CTIF: variants seen among roughly 807,000 people sequenced by gnomAD.
The protein encoded by CTIF is CBP80/20-dependent translation initiation factor.
CTIF carries 21 observed loss-of-function variants against 66.0 expected under a neutral mutation model. The ratio of observed to expected loss-of-function variants is 0.32; its 90% confidence interval spans 0.23 to 0.46. The LOEUF is 0.46. Ranked by LOEUF, CTIF falls within the 20% of genes least tolerant of loss-of-function variation. CTIF has a pLI of 1.00. For synonymous variants in CTIF, 345 were observed against 326.4 expected, an observed-to-expected ratio of 1.06 and a Z score of -0.62; for missense variants, 739 against 812.7, an observed-to-expected ratio of 0.91 and a Z score of 1.10.
intron 7 of CTIF, among the ~76,000 whole-genome samples, chr18:48,733,849 G>A (rs2145688372): frequency 6.6e-6 from 1 of 152,258 alleles, no homozygotes; most frequent in African/African-American, 2.4e-5. Context: ...CCTTCCCCCT[G>A]GAAATCATAA....
intron 1 of CTIF, among the ~76,000 whole-genome samples, chr18:48,616,065 G>A (rs2090394199): frequency 6.6e-6 from 1 of 152,190 alleles, no homozygotes; most frequent in African/African-American, 2.4e-5. Flanking sequence ...GGAGAGCCCC[G>A]CAGAGCCGGC....
intron 1 of CTIF, among the ~76,000 whole-genome samples, chr18:48,616,615 C>T (rs145057972): frequency 3.6e-4 from 55 of 152,220 alleles, no homozygotes; most frequent in African/African-American, 1.3e-3. Context: ...ATAATTATGC[C>T]GATTCCATAG....
chr18:48,670,494 C>CCA (rs1555669450), intron 5 of CTIF, 175 bp from the exon 6 acceptor site: 13 of 546,716 alleles, frequency 2.4e-5, no homozygotes, highest in Non-Finnish European at 3.7e-5. Flanking sequence ...GACCCCCCCC[C>CCA]CACACACACA....
At chr18:48,739,811 GA>G (rs1049174500) in intron 7 of CTIF, among the ~76,000 whole-genome samples, 1 of 152,182 alleles carries the variant, frequency 6.6e-6, no homozygotes, top group African/African-American at 2.4e-5. Flanking sequence ...TCATAGGAGG[GA>G]GTTGTGCTGG....
At chr18:48,752,406 G>A (rs76572988) in intron 7 of CTIF, among the ~76,000 whole-genome samples, 4 of 152,270 alleles carry the variant, frequency 2.6e-5, no homozygotes, top group East Asian at 3.9e-4. Flanking sequence ...GCTTTGTAGC[G>A]ATGCCCCCAG....
intron 7 of CTIF, among the ~76,000 whole-genome samples, chr18:48,739,968 A>C (rs1056359568): frequency 6.6e-6 from 1 of 152,294 alleles, no homozygotes; most frequent in Middle Eastern, 3.4e-3. Flanking sequence ...ATAAACTCTT[A>C]AGAGCATGTC....
intron 1 of CTIF, among the ~76,000 whole-genome samples, chr18:48,543,535 C>G (rs1437487728): frequency 3.9e-5 from 6 of 152,182 alleles, no homozygotes; most frequent in Non-Finnish European, 8.8e-5. Flanking sequence ...ACCGTGCTCT[C>G]AGCATGCCTC....
At chr18:48,617,374 C>T (rs1024973808) in intron 1 of CTIF, among the ~76,000 whole-genome samples, 12 of 152,166 alleles carry the variant, frequency 7.9e-5, no homozygotes, top group African/African-American at 2.7e-4. Flanking sequence ...ATCTTAAAGT[C>T]GACTAATTTG....
intron 10 of CTIF, among the ~76,000 whole-genome samples, chr18:48,822,846 C>T (rs1262019114): frequency 2.0e-5 from 3 of 152,138 alleles, no homozygotes; most frequent in Non-Finnish European, 4.4e-5. Flanking sequence ...TGCTCACAGC[C>T]ATTCTAACAG....
intron 1 of CTIF, chr18:48,566,854 A>G (rs2089291576): frequency 6.6e-6 from 1 of 152,212 alleles, no homozygotes; most frequent in African/African-American, 2.4e-5. Flanking sequence ...AGTCATGTCT[A>G]AATGACAGCA....
intron 10 of CTIF, among the ~76,000 whole-genome samples, chr18:48,834,297 G>A (rs944310940): frequency 2.6e-5 from 4 of 152,186 alleles, no homozygotes; most frequent in South Asian, 2.1e-4. Context: ...GTGTGCCAAC[G>A]AAACCTTATT....
chr18:48,708,997 G>A (rs1226530202), intron 6 of CTIF, among the ~76,000 whole-genome samples: 2 of 151,960 alleles, frequency 1.3e-5, no homozygotes, highest in South Asian at 2.1e-4. Flanking sequence ...GATGATGATG[G>A]CATCGATGAC....
At chr18:48,750,187 G>A (rs1001699945) in intron 7 of CTIF, among the ~76,000 whole-genome samples, 6 of 152,192 alleles carry the variant, frequency 3.9e-5, no homozygotes, top group African/African-American at 9.7e-5. Flanking sequence ...TAGGTGGGAG[G>A]CCACCCTAAG....
chr18:48,801,304 C>T (rs1165324129), intron 9 of CTIF, among the ~76,000 whole-genome samples: 2 of 152,198 alleles, frequency 1.3e-5, no homozygotes, highest in African/African-American at 4.8e-5. Context: ...AGGCACAGGC[C>T]AGGATCACCA....
At chr18:48,707,955 C>A (rs539233762) in intron 6 of CTIF, among the ~76,000 whole-genome samples, 7 of 152,328 alleles carry the variant, frequency 4.6e-5, no homozygotes, top group African/African-American at 1.7e-4. Flanking sequence ...TTCTTAAAAA[C>A]TGAAATCATG....
intron 9 of CTIF, among the ~76,000 whole-genome samples, chr18:48,773,618 C>T (rs1910381603): frequency 6.6e-6 from 1 of 152,332 alleles, no homozygotes; most frequent in South Asian, 2.1e-4. Context: ...AACCAGAGCC[C>T]CTGGGTGAGC....
chr18:48,749,960 C>A (rs1381458783), intron 7 of CTIF, among the ~76,000 whole-genome samples: 2 of 152,344 alleles, frequency 1.3e-5, no homozygotes, highest in African/African-American at 2.4e-5. Context: ...ACCAGGTTCA[C>A]GCGGAGCCTG....
At chr18:48,784,438 G>C (rs938777911) in intron 9 of CTIF, among the ~76,000 whole-genome samples, 1 of 152,212 alleles carries the variant, frequency 6.6e-6, no homozygotes, top group Non-Finnish European at 1.5e-5. Context: ...GGAGGAGAGA[G>C]TGTGGGCCAG....
At chr18:48,831,071 C>G (rs1217092088) in intron 10 of CTIF, among the ~76,000 whole-genome samples, 1 of 152,190 alleles carries the variant, frequency 6.6e-6, no homozygotes, top group Non-Finnish European at 1.5e-5. Context: ...AAATCCAGAA[C>G]CCTTGAAGGG....
Sources: allele counts gnomAD v4.1 joint callset (sites outside exome capture counted in the v4.1 genomes callset), GRCh38; gene constraint gnomAD v4.1.1; transcripts MANE v1.5; gene names NCBI Gene and HGNC (gene_info 2026-07-23, HGNC 2026-07-21).